Variants in GALNTL6 observed in about 807,000 individuals in gnomAD.
GALNTL6 encodes the protein polypeptide N-acetylgalactosaminyltransferase-like 6.
GALNTL6 carries 46 observed loss-of-function variants against 73.7 expected under a neutral mutation model. That is an observed-to-expected ratio of 0.62 (90% CI 0.49 to 0.80). The LOEUF (loss-of-function observed/expected upper bound fraction) is 0.80. Ranked by LOEUF, GALNTL6 falls within the 30% of genes least tolerant of loss-of-function variation. GALNTL6 has a pLI of 0.00. For synonymous variants in GALNTL6, 259 were observed against 263.7 expected (o/e 0.98, Z 0.17); for missense variants, 604 against 755.0 (o/e 0.80, Z 2.34).
chr4:172,388,783 C>A (rs1743561286), intron 5 of GALNTL6, among the ~76,000 whole-genome samples: 2 of 152,006 alleles, frequency 1.3e-5, no homozygotes, highest in Non-Finnish European at 2.9e-5. Context: ...TGTAGGATAT[C>A]TAATTTTATG....
intron 2 of GALNTL6, among the ~76,000 whole-genome samples, chr4:172,155,718 CAAGT>C (rs1299859055): frequency 2.6e-5 from 4 of 152,096 alleles, no homozygotes; most frequent in South Asian, 2.1e-4. Context: ...GTAATTCTGA[CAAGT>C]AAATTAATAT....
chr4:172,059,019 A>G lies in GALNTL6; in HGVS notation c.139-170637A>G, dbSNP rs994965452. ...GGAGAGAAAGTGTAGGTATCAGGGC[A>G]TCTTTTGTTGCAATTGAGAGACAAT... On this transcript the variant is annotated intron_variant, in intron 2 of 12. Coordinates refer to ENST00000506823, the MANE Select transcript of GALNTL6 (RefSeq NM_001034845.3). Among the ~76,000 whole-genome samples, 92 of 152,314 alleles carry G rather than the reference A, an allele frequency of 6.0e-4. 1 individual carries two copies. The highest frequency in any genetic ancestry group is 2.1e-3 in the African/African-American group (89 of 41,558).
chr4:172,868,806 T>A (rs897398019), intron 7 of GALNTL6, among the ~76,000 whole-genome samples: 2 of 152,166 alleles, frequency 1.3e-5, no homozygotes, highest in African/African-American at 4.8e-5. Context: ...TGGCCATTCA[T>A]GGAGTATTGC....
At chr4:173,029,970 C>T (rs1311641640) in intron 12 of GALNTL6, among the ~76,000 whole-genome samples, 1 of 152,158 alleles carries the variant, frequency 6.6e-6, no homozygotes, top group Non-Finnish European at 1.5e-5. Context: ...TAACAAAATC[C>T]ATTAATGAGC....
In GALNTL6 at chr4:172,470,568, C is replaced by T. The variant is rs144479712; in HGVS notation, c.553+121879C>T. On this transcript the variant is annotated intron_variant, in intron 5 of 12. Transcript: ENST00000506823. ...GGTAAGCACAGTCTATAAGAAGTGC[C>T]AGTATATTGTCTTAATTTTCAATAA... 4.6e-5 allele frequency among the ~76,000 whole-genome samples: 7 copies of T among 152,166 alleles called. No individual in the cohort carries two copies. In the East Asian group the frequency reaches 9.7e-4, roughly 21 times the overall value.
At chr4:172,538,308 A>C (rs1229729977) in intron 5 of GALNTL6, among the ~76,000 whole-genome samples, 1 of 152,020 alleles carries the variant, frequency 6.6e-6, no homozygotes, top group Admixed American at 6.6e-5. Context: ...AAAATACAAA[A>C]AAATTAGCCA....
intron 12 of GALNTL6, among the ~76,000 whole-genome samples, chr4:173,031,652 G>T (rs191308557): frequency 1.4e-4 from 21 of 152,284 alleles, no homozygotes; most frequent in African/African-American, 5.1e-4. Context: ...GAAACTCTGG[G>T]TAGAATACTT....
intron 5 of GALNTL6, among the ~76,000 whole-genome samples, chr4:172,383,655 C>T (rs1743365468): frequency 6.6e-6 from 1 of 152,128 alleles, no homozygotes; most frequent in Non-Finnish European, 1.5e-5. Context: ...AGCAGACATC[C>T]TTATCCTGTT....
chr4:172,302,142 C>A (rs1739955128), intron 3 of GALNTL6, among the ~76,000 whole-genome samples: 1 of 152,176 alleles, frequency 6.6e-6, no homozygotes, highest in Non-Finnish European at 1.5e-5. Flanking sequence ...ATGAGTGAGG[C>A]TCTGTGGGCG....
intron 5 of GALNTL6, among the ~76,000 whole-genome samples, chr4:172,773,505 C>T (rs1738896104): frequency 1.3e-5 from 2 of 151,610 alleles, no homozygotes; most frequent in African/African-American, 4.8e-5. Flanking sequence ...TATTTATGAC[C>T]TTAGTAAAGA....
At chr4:171,895,976 G>A (rs1736902272) in intron 2 of GALNTL6, among the ~76,000 whole-genome samples, 2 of 151,454 alleles carry the variant, frequency 1.3e-5, no homozygotes, top group African/African-American at 4.8e-5. Context: ...AGAGGAACAA[G>A]TCAGTAAACC....
At chr4:172,852,380 T>C (rs1162539811) in intron 7 of GALNTL6, among the ~76,000 whole-genome samples, 5 of 151,998 alleles carry the variant, frequency 3.3e-5, no homozygotes, top group Non-Finnish European at 7.4e-5. Flanking sequence ...ATGGAAAAAT[T>C]AGCAGGCCAA....
intron 5 of GALNTL6, among the ~76,000 whole-genome samples, chr4:172,682,560 A>C (rs1422219013): frequency 6.6e-6 from 1 of 152,222 alleles, no homozygotes; most frequent in African/African-American, 2.4e-5. Flanking sequence ...GATAAAAAAC[A>C]AATAGGTTTT....
chr4:172,158,126 TC>T (rs1202552643), intron 2 of GALNTL6, among the ~76,000 whole-genome samples: 23 of 152,306 alleles, frequency 1.5e-4, no homozygotes, highest in African/African-American at 5.5e-4. Flanking sequence ...GGTGCATGGT[TC>T]TACTGAGAAA....
At chr4:171,938,331 G>A (rs888751291) in intron 2 of GALNTL6, among the ~76,000 whole-genome samples, 6 of 152,080 alleles carry the variant, frequency 3.9e-5, no homozygotes, top group Admixed American at 2.0e-4. Flanking sequence ...CTTGTTTGAA[G>A]TTGTGACTCT....
intron 2 of GALNTL6, among the ~76,000 whole-genome samples, chr4:171,959,521 G>A (rs1419589106): frequency 2.6e-5 from 4 of 151,978 alleles, no homozygotes; most frequent in Middle Eastern, 3.4e-3. Context: ...TATTTTTAGG[G>A]GCGCTGGGGT....
At chr4:172,057,722 A>ATTG (rs1560904165) in intron 2 of GALNTL6, among the ~76,000 whole-genome samples, 1 of 78,514 alleles carries the variant, frequency 1.3e-5, no homozygotes, top group Non-Finnish European at 2.5e-5. Flanking sequence ...AAAAAAAAAA[A>ATTG]AAAAAATATA....
At chr4:172,292,132 T>C (rs1739497554) in intron 3 of GALNTL6, among the ~76,000 whole-genome samples, 1 of 152,118 alleles carries the variant, frequency 6.6e-6, no homozygotes, top group Admixed American at 6.6e-5. Flanking sequence ...GTAGAGTTTC[T>C]AATGGGCACA....
chr4:172,751,325 T>A (rs1209314385), intron 5 of GALNTL6, among the ~76,000 whole-genome samples: 1 of 151,916 alleles, frequency 6.6e-6, no homozygotes, highest in Non-Finnish European at 1.5e-5. Flanking sequence ...TCAAATGGAG[T>A]TAAGGCTCAA....
Sources: allele counts gnomAD v4.1 joint callset (sites outside exome capture counted in the v4.1 genomes callset), GRCh38; gene constraint gnomAD v4.1.1; transcripts MANE v1.5; gene names NCBI Gene and HGNC (gene_info 2026-07-23, HGNC 2026-07-21).